ANKS1A: variants seen among roughly 807,000 people sequenced by gnomAD.
ANKS1A encodes the protein ankyrin repeat and sterile alpha motif domain containing 1A.
Under a neutral mutation model 120.3 loss-of-function variants are expected in ANKS1A, and 55 were observed. The observed-to-expected ratio is 0.46, with a 90% CI of 0.37 to 0.57. The LOEUF (loss-of-function observed/expected upper bound fraction) is 0.57, where lower values mean the gene tolerates loss of function less well. Among genes scored for constraint, ANKS1A ranks in the 20% least tolerant of loss-of-function variants. ANKS1A has a pLI of 0.00. For synonymous variants in ANKS1A, 590 were observed against 604.7 expected (o/e 0.98, Z 0.36); for missense variants, 1,123 against 1,480.3 (o/e 0.76, Z 3.96).
At chr6:34,915,807 G>T (rs1428787335) in intron 1 of ANKS1A, among the ~76,000 whole-genome samples, 1 of 152,000 alleles carries the variant, frequency 6.6e-6, no homozygotes, top group Non-Finnish European at 1.5e-5. Context: ...TGTTTTTGAA[G>T]CCTTGTTCTC....
intron 11 of ANKS1A, among the ~76,000 whole-genome samples, chr6:35,038,515 T>A (rs1199391311): frequency 6.6e-6 from 1 of 152,098 alleles, no homozygotes; most frequent in Non-Finnish European, 1.5e-5. Flanking sequence ...AGGGCCCCAC[T>A]CTGTTGCCCA....
chr6:34,993,324 G>A (rs1304110671), intron 9 of ANKS1A, among the ~76,000 whole-genome samples: 1 of 152,190 alleles, frequency 6.6e-6, no homozygotes, highest in Non-Finnish European at 1.5e-5. Flanking sequence ...TGATTCAAGG[G>A]AAAGCGTGGC....
intron 11 of ANKS1A, among the ~76,000 whole-genome samples, chr6:35,031,630 A>T (rs939121146): frequency 6.6e-6 from 1 of 151,856 alleles, no homozygotes; most frequent in African/African-American, 2.4e-5. Context: ...AGCGGCCACC[A>T]CCTCAGTATC....
intron 1 of ANKS1A, among the ~76,000 whole-genome samples, chr6:34,936,221 C>G (rs1561857987): frequency 1.3e-5 from 2 of 152,136 alleles, no homozygotes; most frequent in Admixed American, 1.3e-4. Context: ...ATTATGCCAA[C>G]CAGCTCTTAC....
At chr6:34,902,597 C>T (rs1036978241) in intron 1 of ANKS1A, among the ~76,000 whole-genome samples, 20 of 151,986 alleles carry the variant, frequency 1.3e-4, no homozygotes, top group African/African-American at 4.8e-4. Flanking sequence ...AGGTCCAGTA[C>T]TTTTACTAGA....
chr6:35,046,947 T>A (rs1032360225), intron 11 of ANKS1A, among the ~76,000 whole-genome samples: 1 of 152,222 alleles, frequency 6.6e-6, no homozygotes, highest in African/African-American at 2.4e-5. Context: ...TCTGGTAGTT[T>A]TCCACTCTAA....
At chr6:34,984,274 G>T (rs1772067933) in intron 7 of ANKS1A, among the ~76,000 whole-genome samples, 1 of 152,090 alleles carries the variant, frequency 6.6e-6, no homozygotes, top group African/African-American at 2.4e-5. Flanking sequence ...TGAATACAAA[G>T]ATAGAATAAA....
In ANKS1A at chr6:35,089,964, T is replaced by G; in HGVS notation, c.*1355T>G. ...TTTCCCAGCCAGCAAAGGCTGTGAA[T>G]TTGAATTCTTTGTTGGTATGTATGT... On this transcript the variant is annotated 3_prime_UTR_variant, in exon 24 of 24. Coordinates refer to ENST00000360359, the MANE Select transcript of ANKS1A (RefSeq NM_015245.3). 1 of 1,166,098 alleles carries G rather than the reference T, an allele frequency of 8.6e-7. No individual in the cohort carries two copies. Among genetic ancestry groups the G allele is most frequent in the East Asian group, 6.2e-5 (1 of 16,220 alleles). 72.2% of individuals were successfully genotyped at this position (1,166,098 alleles called of 1,614,324 possible). A position where few individuals can be genotyped will look rare whatever the true frequency, so the allele number is the denominator to read the frequency against.
intron 12 of ANKS1A, 36 bp downstream of exon 12, chr6:35,054,201 TG>T: frequency 6.3e-7 from 1 of 1,596,612 alleles, no homozygotes; most frequent in South Asian, 1.1e-5. Context: ...CCACAGAAAC[TG>T]GCAGTCTGGC....
chr6:35,065,539 A>C (rs1400722402), intron 13 of ANKS1A, among the ~76,000 whole-genome samples: 1 of 152,168 alleles, frequency 6.6e-6, no homozygotes, highest in African/African-American at 2.4e-5. Flanking sequence ...GCGGGCTCTC[A>C]GTACGGTAAT....
chr6:35,049,544 C>T (rs1043578330), intron 11 of ANKS1A, among the ~76,000 whole-genome samples: 7 of 152,178 alleles, frequency 4.6e-5, no homozygotes, highest in African/African-American at 1.4e-4. Context: ...TGGAAGGTGT[C>T]TCCCGCCCCG....
At chr6:34,977,698 A>G (rs928991583) in intron 3 of ANKS1A, among the ~76,000 whole-genome samples, 1 of 152,068 alleles carries the variant, frequency 6.6e-6, no homozygotes, top group Non-Finnish European at 1.5e-5. Context: ...GAGTAAGTCT[A>G]ACTCTTCTTC....
intron 11 of ANKS1A, among the ~76,000 whole-genome samples, chr6:35,036,294 G>T (rs762162260): frequency 1.3e-5 from 2 of 152,206 alleles, no homozygotes; most frequent in African/African-American, 2.4e-5. Flanking sequence ...TCTTACTCAC[G>T]TTTGACTTCA....
intron 1 of ANKS1A, among the ~76,000 whole-genome samples, chr6:34,954,225 G>A (rs1561868503): frequency 6.6e-6 from 1 of 152,124 alleles, no homozygotes; most frequent in South Asian, 2.1e-4. Flanking sequence ...TTCTGTTATG[G>A]GGATTGAGAG....
chr6:35,064,732 CG>C (rs535225920), intron 13 of ANKS1A, among the ~76,000 whole-genome samples: 2 of 152,322 alleles, frequency 1.3e-5, no homozygotes, highest in African/African-American at 4.8e-5. Flanking sequence ...CCAGCCTAAG[CG>C]AGCTGCCACT....
chr6:35,009,453 C>T (rs528038265), intron 10 of ANKS1A, among the ~76,000 whole-genome samples: 5 of 152,090 alleles, frequency 3.3e-5, no homozygotes, highest in East Asian at 1.9e-4. Flanking sequence ...ATATTAAATC[C>T]GGTTTCAAAT....
intron 1 of ANKS1A, among the ~76,000 whole-genome samples, chr6:34,953,226 A>G (rs1038052011): frequency 6.6e-6 from 1 of 152,210 alleles, no homozygotes; most frequent in Non-Finnish European, 1.5e-5. Flanking sequence ...GAGAAAGGCA[A>G]TCAAGTAATG....
chr6:35,023,330 G>T (rs1208190566), intron 11 of ANKS1A, among the ~76,000 whole-genome samples: 1 of 152,132 alleles, frequency 6.6e-6, no homozygotes, highest in Non-Finnish European at 1.5e-5. Flanking sequence ...AGCAGTTTTT[G>T]GCACTGTTTC....
chr6:35,034,236 A>T (rs2820234), intron 11 of ANKS1A, among the ~76,000 whole-genome samples: 2 of 152,004 alleles, frequency 1.3e-5, no homozygotes, highest in Admixed American at 6.5e-5. Flanking sequence ...ATTGTGTATA[A>T]GCTTTTGTGG....
Sources: gnomAD v4.1 joint callset for allele counts (sites outside exome capture counted in the v4.1 genomes callset) on GRCh38, gnomAD v4.1.1 for gene constraint, MANE v1.5 for transcripts, NCBI Gene and HGNC (gene_info 2026-07-23, HGNC 2026-07-21) for gene names.